EN1: variants seen among roughly 807,000 people sequenced by gnomAD.
EN1 encodes engrailed homeobox 1, also known as homeobox protein engrailed-1.
Under a neutral mutation model 22.9 loss-of-function variants are expected in EN1, and 8 were observed. The observed-to-expected ratio is 0.35, with a 90% CI of 0.20 to 0.63. EN1 has a LOEUF of 0.63. Ranked by LOEUF, EN1 falls within the 20% of genes least tolerant of loss-of-function variation. The probability of loss-of-function intolerance (pLI) is 0.73; values close to 1 mark genes in which losing one functional copy is unlikely to be tolerated. For synonymous variants in EN1, 287 were observed against 262.5 expected, an observed-to-expected ratio of 1.09 and a Z score of -0.90; for missense variants, 521 against 572.1, an observed-to-expected ratio of 0.91 and a Z score of 0.91.
Position 118,842,971 on chromosome 2 carries a change from G to C in EN1, c.1146C>G (p.Thr382=), listed in dbSNP as rs1678215165. The C allele has an allele frequency of 1.9e-6, 3 of 1,614,036 alleles. No homozygotes were observed. Among genetic ancestry groups the C allele is most frequent in the Non-Finnish European group, 2.5e-6 (3 of 1,179,924 alleles). ...LMAQGLYNHS[T]TTVQDKDESE ...TCTCGTCTTTGTCCTGGACCGTGGT[G>C]GTGGAGTGGTTGTACAGTCCCTGGG... The change falls in exon 2 of 2, where the codon ACC becomes ACG. Residue 382 remains threonine (T), a synonymous_variant. Transcript: ENST00000295206.
At chr2:118,845,144 C>T (rs1475726909) in intron 1 of EN1, among the ~76,000 whole-genome samples, 1 of 152,230 alleles carries the variant, frequency 6.6e-6, no homozygotes, top group South Asian at 2.1e-4. Flanking sequence ...TTCAGGGAGC[C>T]CGACGTGTCA....
chr2:118,845,447 GA>G (rs1678254880), intron 1 of EN1, among the ~76,000 whole-genome samples: 1 of 152,216 alleles, frequency 6.6e-6, no homozygotes, highest in Non-Finnish European at 1.5e-5. Context: ...GTGGTGGAAG[GA>G]AAGCCGAGAA....
In EN1 at chr2:118,847,283, C is replaced by G. The variant is rs1005479258; in HGVS notation, c.-116G>C. On this transcript the variant is annotated 5_prime_UTR_variant, in exon 1 of 2. Transcript: ENST00000295206. ...GCGCGGAGGAAGGAGGCAGGCGAAG[C>G]CTCAGCGAAGGCACGGGGCGGGTGC... 7 of 417,640 alleles carry G rather than the reference C, an allele frequency of 1.7e-5. No individual in the cohort carries two copies. Among genetic ancestry groups the G allele is most frequent in the Admixed American group, 4.6e-5 (1 of 21,648 alleles). 25.9% of individuals were successfully genotyped at this position (417,640 alleles called of 1,614,324 possible). A position where few individuals can be genotyped will look rare whatever the true frequency, so the allele number is the denominator to read the frequency against.
rs1005015399 is a variant in EN1 at position 118,847,480 on chromosome 2, G to A, written c.-313C>T. The A allele has an allele frequency of 7.6e-6, 2 of 264,582 alleles. No homozygotes were observed. Among genetic ancestry groups the A allele is most frequent in the Non-Finnish European group, 1.4e-5 (2 of 142,444 alleles). 16.4% of individuals were successfully genotyped at this position (264,582 alleles called of 1,614,324 possible). On this transcript the variant is annotated 5_prime_UTR_variant, in exon 1 of 2. Coordinates refer to ENST00000295206, the MANE Select transcript of EN1 (RefSeq NM_001426.4). ...TTGATTTAAATGGGGAGTAAGCCAC[G>A]GCCAAAAAAATGAAGGAAAAAAAGA...
intron 1 of EN1, among the ~76,000 whole-genome samples, chr2:118,845,807 C>T (rs1271290324): frequency 1.3e-5 from 2 of 152,142 alleles, no homozygotes; most frequent in Non-Finnish European, 2.9e-5. Context: ...TCAATGTAAA[C>T]GGTCTCTCCG....
chr2:118,846,829 C>A lies in EN1; in HGVS notation c.339G>T (p.Pro113=). 6.3e-7 allele frequency: 1 copy of A among 1,591,878 alleles called. No individual in the cohort carries two copies. The highest frequency in any genetic ancestry group is 8.5e-7 in the Non-Finnish European group (1 of 1,174,768). The change falls in exon 1 of 2, where the codon CCG becomes CCT. Residue 113 remains proline (P), a synonymous_variant. Transcript: ENST00000295206. This position sits in a 1 kb window ranked among gnomAD's most constrained non-coding sequence, Gnocchi z 5.0. ...GCTGCTCCTTTTTGCAGCCGAAGTC[C>A]GGCCTCAGGATGTTGTCGATGAAAA... ...TNFFIDNILR[P]DFGCKKEQPP... is the part of the protein sequence containing the mutation.
chr2:118,845,306 C>T (rs956102116), intron 1 of EN1, among the ~76,000 whole-genome samples: 7 of 152,184 alleles, frequency 4.6e-5, no homozygotes, highest in African/African-American at 1.4e-4. Flanking sequence ...GAGTGCTGAT[C>T]TTGGGCCAAA....
rs1310676551 is a variant in EN1 at position 118,847,021 on chromosome 2, C to T, written c.147G>A (p.Pro49=). ...AGGGGGGCGCAGGCTGCGGGGACAC[C>T]GGCACGCTGTCTCCATCGCTGCCGC... The part of the protein sequence containing the change: ...SGSGSDGDSV[P]VSPQPAPPSP... The change falls in exon 1 of 2, where the codon CCG becomes CCA. Residue 49 remains proline (P), a synonymous_variant. Coordinates refer to ENST00000295206, the MANE Select transcript of EN1 (RefSeq NM_001426.4). 3.6e-6 allele frequency: 5 copies of T among 1,400,734 alleles called. No homozygotes were observed. Among genetic ancestry groups the T allele is most frequent in the African/African-American group, 3.0e-5 (2 of 66,350 alleles). The allele number at this position is 1,400,734 out of a possible 1,614,324, so 86.8% of individuals were successfully genotyped here. A position where few individuals can be genotyped will look rare whatever the true frequency, so the allele number is the denominator to read the frequency against.
Position 118,846,262 on chromosome 2 carries a change from C to A in EN1, c.862+44G>T. The A allele has an allele frequency of 6.3e-7, 1 of 1,585,078 alleles. No homozygotes were observed. Among genetic ancestry groups the A allele is most frequent in the Non-Finnish European group, 8.6e-7 (1 of 1,167,180 alleles). Reference sequence around the variant, plus strand: ...CGCAGCTTGGCGTTCTGGGGCGGTCCGCGGGGCCAGAAGGCATGGCGCAGC... The same window carrying A: ...CGCAGCTTGGCGTTCTGGGGCGGTCAGCGGGGCCAGAAGGCATGGCGCAGC... On this transcript the variant is annotated intron_variant, in intron 1 of 1. Transcript: ENST00000295206. This position sits in a 1 kb window ranked among gnomAD's most constrained non-coding sequence, Gnocchi z 5.0.
Position 118,846,216 on chromosome 2 carries a change from C to T in EN1, c.862+90G>A, listed in dbSNP as rs1294138659. 8 of 1,523,478 alleles carry T rather than the reference C, an allele frequency of 5.3e-6. No homozygotes were observed. Among genetic ancestry groups the T allele is most frequent in the African/African-American group, 1.4e-5 (1 of 71,896 alleles). The allele number at this position is 1,523,478 out of a possible 1,614,324, so 94.4% of individuals were successfully genotyped here. ...CGTGAGAGACTGGAGTACCCGAGGC[C>T]GGGTTTGCTCTCCCTAGCGCCGCAG... On this transcript the variant is annotated intron_variant, in intron 1 of 1. Transcript: ENST00000295206. This position sits in a 1 kb window ranked among gnomAD's most constrained non-coding sequence, Gnocchi z 5.0.
chr2:118,843,244 G>A lies in EN1; in HGVS notation c.873C>T (p.Thr291=). 6.5e-7 allele frequency: 1 copy of A among 1,539,066 alleles called. No homozygotes were observed. The highest frequency in any genetic ancestry group is 8.7e-7 in the Non-Finnish European group (1 of 1,145,344). The change falls in exon 2 of 2, where the codon ACC becomes ACT. Residue 291 remains threonine (T), a synonymous_variant. Transcript: ENST00000295206. ...CGTTCTTCTTCTTCTTCAGCTTCCT[G>A]GTGCGCGGACCTGCAGCGGCGGAGA... The part of the protein sequence containing the change: ...YSDRPSSGPR[T]RKLKKKKNEK...
In EN1 at chr2:118,842,806, TTCTG is replaced by T; in HGVS notation, c.*128_*131del. On this transcript the variant is annotated 3_prime_UTR_variant, in exon 2 of 2. Transcript: ENST00000295206. ...GTCATTGTCCATTCTGAGGCTCTCT[TTCTG>T]TCTCTCTCGCTCTTTTCCCTGCGCT... is the stretch of plus-strand genomic sequence containing the variant. 4.3e-6 allele frequency: 6 copies of T among 1,391,598 alleles called. No homozygotes were observed. The highest frequency in any genetic ancestry group is 2.9e-5 in the Admixed American group (1 of 34,812). 86.2% of individuals were successfully genotyped at this position (1,391,598 alleles called of 1,614,324 possible).
rs1370435565 is a variant in EN1 at position 118,847,022 on chromosome 2, G to A, written c.146C>T (p.Pro49Leu). 2.1e-6 allele frequency: 3 copies of A among 1,405,516 alleles called. No homozygotes were observed. Among genetic ancestry groups the A allele is most frequent in the Non-Finnish European group, 1.8e-6 (2 of 1,084,056 alleles). 87.1% of individuals were successfully genotyped at this position (1,405,516 alleles called of 1,614,324 possible). The change falls in exon 1 of 2, where the codon CCG becomes CTG. Residue 49 changes from proline to leucine, a missense_variant. By Grantham distance (98) the Pro-to-Leu change is moderately conservative (BLOSUM62 -3). This residue lies in a region of EN1 where 436 missense variants were observed against 410.1 expected (regional missense o/e 1.06). Coordinates refer to ENST00000295206, the MANE Select transcript of EN1 (RefSeq NM_001426.4). ...SGSGSDGDSV[P>L]VSPQPAPPSP... Reference sequence around the variant, plus strand: ...GGGGGGCGCAGGCTGCGGGGACACCGGCACGCTGTCTCCATCGCTGCCGCT... The same window carrying A: ...GGGGGGCGCAGGCTGCGGGGACACCAGCACGCTGTCTCCATCGCTGCCGCT...
rs773639330 is a variant in EN1, at chr2:118,847,298, G to C, written c.-131C>G. The C allele has an allele frequency of 7.3e-6, 3 of 409,978 alleles. No individual in the cohort carries two copies. The highest frequency in any genetic ancestry group is 1.3e-5 in the Non-Finnish European group (3 of 234,724). The allele number at this position is 409,978 out of a possible 1,614,324, so 25.4% of individuals were successfully genotyped here. ...GCAGGCGAAGCCTCAGCGAAGGCAC[G>C]GGGCGGGTGCAGGAAAAAAGCTCAG... On this transcript the variant is annotated 5_prime_UTR_variant, in exon 1 of 2. Transcript: ENST00000295206.
At position 118,843,070 on chromosome 2, in the gene EN1, G is replaced by A. The variant is rs1474116993; in HGVS notation, c.1047C>T (p.Ile349=). 2.5e-6 allele frequency: 4 copies of A among 1,614,060 alleles called. No individual in the cohort carries two copies. The Admixed American group carries it at 6.7e-5, about 27-fold the overall frequency. Residue 349 remains isoleucine (I), a synonymous_variant, in exon 2 of 2, where the codon ATC becomes ATT. Coordinates refer to ENST00000295206, the MANE Select transcript of EN1 (RefSeq NM_001426.4). ...ELSLNESQIK[I]WFQNKRAKIK... ...TCTTGGCGCGCTTGTTCTGGAACCA[G>A]ATCTTGATCTGGGACTCGTTGAGGC... is the stretch of plus-strand genomic sequence containing the variant.
In EN1 at chr2:118,847,126, C is replaced by A; in HGVS notation, c.42G>T (p.Ser14=). Residue 14 remains serine (S), a synonymous_variant, in exon 1 of 2, where the codon TCG becomes TCT. Coordinates refer to ENST00000295206, the MANE Select transcript of EN1 (RefSeq NM_001426.4). ...TCGCCGCCGCCGCCGCGCCGAGGGCCGAGTCGCGCTGACTTTTAGGTTCCG... is the reference window on the plus strand; with the variant it reads ...TCGCCGCCGCCGCCGCGCCGAGGGCAGAGTCGCGCTGACTTTTAGGTTCCG... ...QQPEPKSQRD[S]ALGAAAAATP... 3.0e-6 allele frequency: 4 copies of A among 1,335,886 alleles called. No homozygotes were observed. The highest frequency in any genetic ancestry group is 1.4e-5 in the South Asian group (1 of 70,646). 82.8% of individuals were successfully genotyped at this position (1,335,886 alleles called of 1,614,324 possible).
In EN1 at chr2:118,846,593, G is replaced by T; in HGVS notation, c.575C>A (p.Ala192Glu). The T allele has an allele frequency of 1.5e-6, 2 of 1,371,868 alleles. No individual in the cohort carries two copies. The highest frequency in any genetic ancestry group is 9.4e-7 in the Non-Finnish European group (1 of 1,066,764). The allele number at this position is 1,371,868 out of a possible 1,614,324, so 85.0% of individuals were successfully genotyped here. A position where few individuals can be genotyped will look rare whatever the true frequency, so the allele number is the denominator to read the frequency against. Residue 192 changes from alanine to glutamate, a missense_variant, in exon 1 of 2, where the codon GCG becomes GAG. Coordinates refer to ENST00000295206, the MANE Select transcript of EN1 (RefSeq NM_001426.4). This position sits in a 1 kb window ranked among gnomAD's most constrained non-coding sequence, Gnocchi z 5.0. ...CGCAGCCGGGTTCCCAGCTTTAGACGCGCCCGCGCCGGCGGCGGCTGGCTG... is the reference window on the plus strand; with the variant it reads ...CGCAGCCGGGTTCCCAGCTTTAGACTCGCCCGCGCCGGCGGCGGCTGGCTG... Reference protein sequence around the residue: ...GSQPAAAGAGASKAGNPAAAA... With the variant: ...GSQPAAAGAGESKAGNPAAAA...
rs566042334 is a variant in EN1 at position 118,846,322 on chromosome 2, C to T, written c.846G>A (p.Ser282=). The part of the protein sequence containing the change: ...WPAWVYCTRY[S]DRPSSGPRTR... ...GGTACTCACCGGAGGATGGACGATC[C>T]GAATAACGTGTGCAGTACACCCAGG... is the stretch of plus-strand genomic sequence containing the variant. Residue 282 remains serine (S), a synonymous_variant, in exon 1 of 2, where the codon TCG becomes TCA. Coordinates refer to ENST00000295206, the MANE Select transcript of EN1 (RefSeq NM_001426.4). This position sits in a 1 kb window ranked among gnomAD's most constrained non-coding sequence, Gnocchi z 5.0. 6.2e-7 allele frequency: 1 copy of T among 1,612,056 alleles called. No individual in the cohort carries two copies. The highest frequency in any genetic ancestry group is 8.5e-7 in the Non-Finnish European group (1 of 1,179,322).
At position 118,846,969 on chromosome 2, in the gene EN1, G is replaced by T. The variant is rs1194299431; in HGVS notation, c.199C>A (p.Pro67Thr). The part of the protein sequence containing the change: ...PSPPAAPCLP[P>T]LAHHPHLPPH... Reference sequence around the variant, plus strand: ...GGGAGGTGCGGGTGGTGGGCCAGGGGCGGCAGGCAAGGCGCCGCGGGCGGC... The same window carrying T: ...GGGAGGTGCGGGTGGTGGGCCAGGGTCGGCAGGCAAGGCGCCGCGGGCGGC... The change falls in exon 1 of 2, where the codon CCC becomes ACC. Residue 67 changes from proline (P) to threonine (T), a missense_variant. Transcript: ENST00000295206. The surrounding 1 kb of genome is among the most constrained non-coding windows in gnomAD (Gnocchi z 5.0). 12 of 1,391,292 alleles carry T rather than the reference G, an allele frequency of 8.6e-6. No individual in the cohort carries two copies. The highest frequency in any genetic ancestry group is 1.1e-5 in the Non-Finnish European group (12 of 1,082,546). The allele number at this position is 1,391,292 out of a possible 1,614,324, so 86.2% of individuals were successfully genotyped here.
Sources: gnomAD v4.1 joint callset for allele counts (sites outside exome capture counted in the v4.1 genomes callset) on GRCh38, gnomAD v4.1.1 for gene constraint, gnomAD v4.1.1 regional missense constraint, Gnocchi (gnomAD v3.1) non-coding constraint, MANE v1.5 for transcripts, NCBI Gene and HGNC (gene_info 2026-07-23, HGNC 2026-07-21) for gene names.